The following SI variants were observed in gnomAD, a reference collection of about 807,000 sequenced individuals.
SI encodes sucrase-isomaltase.
SI carries 235 observed loss-of-function variants against 253.3 expected under a neutral mutation model. The ratio of observed to expected loss-of-function variants is 0.93; its 90% CI spans 0.83 to 1.03. SI has a LOEUF of 1.03. Ranked by LOEUF, SI falls within the 50% of genes least tolerant of loss-of-function variation. The probability of loss-of-function intolerance (pLI) is 0.00; values close to 1 mark genes in which losing one functional copy is unlikely to be tolerated. For missense variants in SI, 2,442 were observed against 2,211.1 expected, an observed-to-expected ratio of 1.10 and a Z score of -2.09; for synonymous variants, 819 against 712.0, an observed-to-expected ratio of 1.15 and a Z score of -2.39.
intron 41 of SI, among the ~76,000 whole-genome samples, chr3:164,992,968 G>C (rs1323345289): frequency 1.3e-5 from 2 of 151,450 alleles, no homozygotes; most frequent in African/African-American, 4.8e-5. Flanking sequence ...TGGCTTAAGA[G>C]CCACTATTAA....
In SI at chr3:165,046,944, C is replaced by T; in HGVS notation, c.1784G>A (p.Gly595Glu). 1.2e-6 allele frequency: 2 copies of T among 1,612,640 alleles called. No homozygotes were observed. Among genetic ancestry groups the T allele is most frequent in the South Asian group, 1.1e-5 (1 of 90,790 alleles). The change falls in exon 16 of 48, where the codon GGA (glycine) becomes GAA (glutamate). Residue 595 changes from glycine to glutamate, a missense_variant. Gly to Glu is a moderately conservative substitution (Grantham distance 98). Transcript: ENST00000264382. ...ILTRSTFAGS[G>E]RHAAHWLGDN... is the part of the protein sequence containing the mutation. The stretch of plus-strand genomic sequence containing the variant: ...TCCTAACCAATGCGCAGCATGTCTT[C>T]CAGATCCAGCAAATGTTGAGCGGGT...
At chr3:165,053,431 A>T (rs1002990564) in intron 13 of SI, among the ~76,000 whole-genome samples, 4 of 152,198 alleles carry the variant, frequency 2.6e-5, no homozygotes, top group Non-Finnish European at 5.9e-5. Flanking sequence ...AAAGTGAAAT[A>T]ATTAGATAAA....
At chr3:164,990,131 G>T (rs1334701674) in intron 44 of SI, among the ~76,000 whole-genome samples, 1 of 152,060 alleles carries the variant, frequency 6.6e-6, no homozygotes, top group Non-Finnish European at 1.5e-5. Flanking sequence ...CTTTTACGGG[G>T]GGTGTTGAAA....
chr3:164,992,332 A>G lies in SI; in HGVS notation c.4907T>C (p.Val1636Ala), dbSNP rs1362659457. Residue 1636 changes from valine (V) to alanine (A), a missense_variant, in exon 42 of 48, where the codon GTT (valine) becomes GCT (alanine). Val to Ala is a moderately conservative substitution (Grantham distance 64). Coordinates refer to ENST00000264382, the MANE Select transcript of SI (RefSeq NM_001041.4). ...KQFLWGPAFM[V>A]TPVLEPYVQT... ...ACTTACAGGTTCCAGTACTGGGGTA[A>G]CCATAAATGCTGGACCCCATAAGAA... 1 of 1,613,380 alleles carries G rather than the reference A, an allele frequency of 6.2e-7. No individual in the cohort carries two copies. The highest frequency in any genetic ancestry group is 8.5e-7 in the Non-Finnish European group (1 of 1,179,514).
chr3:165,046,755 A>G, intron 16 of SI, 86 bp downstream of exon 16: 1 of 1,142,016 alleles, frequency 8.8e-7, no homozygotes, highest in Non-Finnish European at 1.3e-6. Flanking sequence ...ATGCCTTTTG[A>G]TCATTTTACT....
At chr3:164,996,216 A>G (rs907491133) in intron 40 of SI, among the ~76,000 whole-genome samples, 1 of 151,744 alleles carries the variant, frequency 6.6e-6, no homozygotes, top group Non-Finnish European at 1.5e-5. Context: ...CACATCTTTT[A>G]AAGGCCAGCT....
chr3:164,982,200 T>A lies in SI; in HGVS notation c.5415+43A>T, dbSNP rs745378974. On this transcript the variant is annotated intron_variant, in intron 47 of 47. Coordinates refer to ENST00000264382, the MANE Select transcript of SI (RefSeq NM_001041.4). ...ATATAAGAAGTCCATGTAGATGCTT[T>A]AAATACGTACGCTTTTGAAAAATAT... 1.1e-5 allele frequency: 16 copies of A among 1,504,712 alleles called. No homozygotes were observed. The East Asian group carries it at 3.6e-4, about 34-fold the overall frequency. 93.2% of individuals were successfully genotyped at this position (1,504,712 alleles called of 1,614,324 possible). A position where few individuals can be genotyped will look rare whatever the true frequency, so the allele number is the denominator to read the frequency against.
At chr3:165,087,344 G>A in the SI span, among the ~76,000 whole-genome samples, 2 of 152,132 alleles carry the variant, frequency 1.3e-5, no homozygotes, top group African/African-American at 2.4e-5. Context: ...CAGGTAAAAA[G>A]CATTGAGAAA....
At chr3:165,046,613 A>G (rs960396027) in intron 16 of SI, among the ~76,000 whole-genome samples, 14 of 151,590 alleles carry the variant, frequency 9.2e-5, no homozygotes, top group East Asian at 7.7e-4. Flanking sequence ...TGTTTTCCTC[A>G]ATTATCTTGA....
At position 165,017,612 on chromosome 3, in the gene SI, C is replaced by G. The variant is rs1440908726; in HGVS notation, c.3695G>C (p.Gly1232Ala). 1 of 1,612,526 alleles carries G rather than the reference C, an allele frequency of 6.2e-7. No homozygotes were observed. Among genetic ancestry groups the G allele is most frequent in the Non-Finnish European group, 8.5e-7 (1 of 1,178,996 alleles). The change falls in exon 31 of 48, where the codon GGA (glycine) becomes GCA (alanine). Residue 1232 changes from glycine to alanine, a missense_variant. Coordinates refer to ENST00000264382, the MANE Select transcript of SI (RefSeq NM_001041.4). ...WALGFQLCRY[G>A]YANTSEVREL... is the part of the protein sequence containing the mutation. ...CCGAACCTCTGAAGTATTTGCATAT[C>G]CATAACGACATAATTGGAATCCCAA...
intron 37 of SI, among the ~76,000 whole-genome samples, chr3:164,999,212 A>AGT (rs1718153738): frequency 6.6e-6 from 1 of 151,768 alleles, no homozygotes; most frequent in Non-Finnish European, 1.5e-5. Context: ...ATCTATTGGG[A>AGT]GTAAGTTCTT....
At chr3:165,083,933 T>C in the SI span, among the ~76,000 whole-genome samples, 1 of 152,064 alleles carries the variant, frequency 6.6e-6, no homozygotes. Flanking sequence ...ATGACAAAAG[T>C]CTTATTTGTG....
intron 27 of SI, 57 bp from the exon 28 acceptor site, chr3:165,019,827 C>G: frequency 7.2e-7 from 1 of 1,381,534 alleles, no homozygotes; most frequent in Non-Finnish European, 1.0e-6. Flanking sequence ...AGTAGTATCA[C>G]AAATAATAAC....
At chr3:164,979,934 G>GTAGACTC (rs1473954088) in intron 47 of SI, among the ~76,000 whole-genome samples, 1 of 151,818 alleles carries the variant, frequency 6.6e-6, no homozygotes, top group Admixed American at 6.6e-5. Context: ...ATAATCTAAA[G>GTAGACTC]TAGACTCTAG....
At chr3:165,036,679 T>A (rs927100472) in intron 21 of SI, among the ~76,000 whole-genome samples, 3 of 151,888 alleles carry the variant, frequency 2.0e-5, no homozygotes, top group Non-Finnish European at 2.9e-5. Context: ...AATTTATACA[T>A]GTAGAAAATA....
chr3:164,996,990 A>C (rs905466969), intron 38 of SI, among the ~76,000 whole-genome samples: 9 of 151,802 alleles, frequency 5.9e-5, no homozygotes, highest in African/African-American at 9.7e-5. Context: ...AAGATACTAT[A>C]AGCTTCCTTG....
intron 47 of SI, among the ~76,000 whole-genome samples, chr3:164,981,052 C>T (rs564160433): frequency 1.3e-5 from 2 of 151,812 alleles, no homozygotes; most frequent in East Asian, 1.9e-4. Context: ...GACTACTGGA[C>T]TAGATCAGGT....
intron 6 of SI, among the ~76,000 whole-genome samples, chr3:165,065,805 G>C (rs1714220107): frequency 6.6e-6 from 1 of 151,404 alleles, no homozygotes; most frequent in Non-Finnish European, 1.5e-5. Flanking sequence ...AATTCTGCTT[G>C]CTCTAGGTAC....
chr3:165,037,982 G>A lies in SI; in HGVS notation c.2344C>T (p.Leu782Phe), dbSNP rs751815124. 8.1e-6 allele frequency: 13 copies of A among 1,609,508 alleles called. No homozygotes were observed. The highest frequency in any genetic ancestry group is 1.3e-5 in the African/African-American group (1 of 74,760). Residue 782 changes from leucine (L) to phenylalanine (F), a missense_variant, in exon 21 of 48, where the codon CTT (leucine) becomes TTT (phenylalanine). Coordinates refer to ENST00000264382, the MANE Select transcript of SI (RefSeq NM_001041.4). Reference sequence around the variant, plus strand: ...TGTAATCCTATTTTGTCTGCTGGAAGATACATATCAACCCGTTGTTTCCTC... The same window carrying A: ...TGTAATCCTATTTTGTCTGCTGGAAAATACATATCAACCCGTTGTTTCCTC... The part of the protein sequence containing the change: ...PWRKQRVDMY[L>F]PADKIGLHLR...
Sources: gnomAD v4.1 joint callset for allele counts (sites outside exome capture counted in the v4.1 genomes callset) on GRCh38, gnomAD v4.1.1 for gene constraint, MANE v1.5 for transcripts, NCBI Gene and HGNC (gene_info 2026-07-23, HGNC 2026-07-21) for gene names.